Variants in FCHSD2 observed in about 807,000 individuals in gnomAD.
FCHSD2 encodes FCH and double SH3 domains 2, also known as F-BAR and double SH3 domains protein 2.
FCHSD2 carries 38 observed loss-of-function variants against 108.1 expected under a neutral mutation model. The observed-to-expected ratio is 0.35, with a 90% confidence interval of 0.27 to 0.46. The LOEUF is 0.46. FCHSD2 is among the 20% of genes least tolerant of loss of function. The probability of loss-of-function intolerance (pLI) is 1.00; values close to 1 mark genes in which losing one functional copy is unlikely to be tolerated. For missense variants in FCHSD2, 751 were observed against 897.8 expected (o/e 0.84, Z 2.09); for synonymous variants, 279 against 314.7 (o/e 0.89, Z 1.20).
chr11:72,901,501 G>A (rs1468595082), intron 10 of FCHSD2, among the ~76,000 whole-genome samples: 13 of 152,152 alleles, frequency 8.5e-5, no homozygotes, highest in Admixed American at 8.5e-4. Flanking sequence ...AGGGGCTGAG[G>A]TGAGGAGTAT....
At chr11:73,135,183 G>A (rs957330354) in intron 2 of FCHSD2, among the ~76,000 whole-genome samples, 1 of 152,128 alleles carries the variant, frequency 6.6e-6, no homozygotes, top group Non-Finnish European at 1.5e-5. Flanking sequence ...TTTTTGATAG[G>A]CAAAATATTT....
At chr11:73,097,912 G>A (rs955046779) in intron 2 of FCHSD2, among the ~76,000 whole-genome samples, 2 of 152,034 alleles carry the variant, frequency 1.3e-5, no homozygotes, top group Non-Finnish European at 2.9e-5. Flanking sequence ...GGGCTCAAGC[G>A]ATCCTCCTGC....
intron 3 of FCHSD2, among the ~76,000 whole-genome samples, chr11:73,037,667 C>T (rs2135459109): frequency 6.6e-6 from 1 of 152,234 alleles, no homozygotes; most frequent in South Asian, 2.1e-4. Context: ...TGAATGTGGC[C>T]ATTTAATCAT....
intron 10 of FCHSD2, among the ~76,000 whole-genome samples, chr11:72,896,939 G>A (rs1208206352): frequency 9.9e-5 from 15 of 151,928 alleles, no homozygotes; most frequent in Non-Finnish European, 1.9e-4. Context: ...CCATTCTCCT[G>A]CCTCAGCCTC....
chr11:73,071,615 C>A (rs1023262543), intron 3 of FCHSD2, among the ~76,000 whole-genome samples: 5 of 151,796 alleles, frequency 3.3e-5, no homozygotes, highest in Admixed American at 3.3e-4. Context: ...GCAGGAGAAT[C>A]GCTTGAACCT....
chr11:72,978,860 T>TC (rs1857160055), intron 8 of FCHSD2, among the ~76,000 whole-genome samples: 1 of 146,030 alleles, frequency 6.8e-6, no homozygotes, highest in African/African-American at 2.5e-5. Context: ...CTTTCTTTTT[T>TC]TTTTTTTTTT....
At chr11:72,945,404 T>C (rs1330296946) in intron 8 of FCHSD2, among the ~76,000 whole-genome samples, 1 of 152,228 alleles carries the variant, frequency 6.6e-6, no homozygotes, top group Non-Finnish European at 1.5e-5. Context: ...TAATTCAAGA[T>C]GGGTTAAAGA....
chr11:73,115,180 C>T (rs1055915055), intron 2 of FCHSD2, among the ~76,000 whole-genome samples: 1 of 152,174 alleles, frequency 6.6e-6, no homozygotes, highest in African/African-American at 2.4e-5. Flanking sequence ...AAGTTTAGCC[C>T]AGTTTTGCTT....
intron 5 of FCHSD2, among the ~76,000 whole-genome samples, chr11:72,995,151 T>C (rs1237295974): frequency 6.6e-6 from 1 of 152,218 alleles, no homozygotes; most frequent in African/African-American, 2.4e-5. Context: ...GTAGCAGGTG[T>C]CAGTACTTCA....
chr11:72,978,411 C>T (rs1222498212), intron 8 of FCHSD2, among the ~76,000 whole-genome samples: 1 of 151,974 alleles, frequency 6.6e-6, no homozygotes, highest in Non-Finnish European at 1.5e-5. Context: ...GGCAAGCAGG[C>T]ATATAAAAAG....
intron 10 of FCHSD2, among the ~76,000 whole-genome samples, chr11:72,891,929 T>C (rs1391269418): frequency 1.3e-5 from 2 of 152,184 alleles, no homozygotes; most frequent in Admixed American, 6.5e-5. Flanking sequence ...CAATTGAAAA[T>C]TACTTGAAAC....
At chr11:72,906,140 G>C (rs1487142487) in intron 9 of FCHSD2, among the ~76,000 whole-genome samples, 3 of 152,190 alleles carry the variant, frequency 2.0e-5, no homozygotes, top group South Asian at 2.1e-4. Flanking sequence ...TTGTGACATA[G>C]TATCTCATTG....
intron 2 of FCHSD2, among the ~76,000 whole-genome samples, chr11:73,124,099 C>T (rs1047089684): frequency 1.1e-4 from 17 of 152,110 alleles, no homozygotes; most frequent in South Asian, 4.1e-4. Context: ...GATGCGTTCA[C>T]GTCCTTTGTA....
At chr11:72,992,811 G>T (rs534885275) in intron 5 of FCHSD2, among the ~76,000 whole-genome samples, 10 of 152,164 alleles carry the variant, frequency 6.6e-5, no homozygotes, top group Admixed American at 2.6e-4. Flanking sequence ...AACCCTAGAA[G>T]AAAAGCTAGG....
intron 8 of FCHSD2, among the ~76,000 whole-genome samples, chr11:72,931,343 G>A (rs1394922848): frequency 6.8e-6 from 1 of 146,988 alleles, no homozygotes; most frequent in Non-Finnish European, 1.5e-5. Context: ...CTGACCTCAA[G>A]TGATCCATCT....
At chr11:72,967,392 T>C (rs184575778) in intron 8 of FCHSD2, among the ~76,000 whole-genome samples, 15 of 151,966 alleles carry the variant, frequency 9.9e-5, no homozygotes, top group South Asian at 2.1e-4. Context: ...AAACAAAATA[T>C]GGTATATCCA....
At chr11:72,943,093 G>A (rs1217974836) in intron 8 of FCHSD2, among the ~76,000 whole-genome samples, 1 of 152,134 alleles carries the variant, frequency 6.6e-6, no homozygotes, top group African/African-American at 2.4e-5. Flanking sequence ...CCGGGTTCAA[G>A]TGATTCTCCT....
At chr11:72,864,544 C>T (rs898932661) in intron 13 of FCHSD2, among the ~76,000 whole-genome samples, 2 of 151,998 alleles carry the variant, frequency 1.3e-5, no homozygotes, top group African/African-American at 4.8e-5. Flanking sequence ...AGACCATCTC[C>T]AAACAAACAA....
At chr11:73,031,324 A>G (rs1041327392) in intron 3 of FCHSD2, among the ~76,000 whole-genome samples, 5 of 151,982 alleles carry the variant, frequency 3.3e-5, no homozygotes, top group African/African-American at 1.2e-4. Flanking sequence ...AAAATTATAA[A>G]AATTAGCCTG....
Sources: gnomAD v4.1 joint callset for allele counts (sites outside exome capture counted in the v4.1 genomes callset) on GRCh38, gnomAD v4.1.1 for gene constraint, MANE v1.5 for transcripts, NCBI Gene and HGNC (gene_info 2026-07-23, HGNC 2026-07-21) for gene names.